The following MYO1C variants were observed in gnomAD, a reference collection of about 807,000 sequenced individuals.
MYO1C encodes myosin IC.
Under a neutral mutation model 150.8 loss-of-function variants are expected in MYO1C, and 104 were observed. The observed-to-expected ratio is 0.69, with a 90% CI of 0.59 to 0.81. The LOEUF (loss-of-function observed/expected upper bound fraction) is 0.81. Among genes scored for constraint, MYO1C ranks in the 30% least tolerant of loss-of-function variants. The pLI, the probability that MYO1C is intolerant of heterozygous loss-of-function variation, is 0.00. For synonymous variants in MYO1C, 663 were observed against 579.9 expected (o/e 1.14, Z -2.06); for missense variants, 1,504 against 1,435.0 (o/e 1.05, Z -0.78).
At chr17:1,485,724 G>C (rs1319722573) in intron 1 of MYO1C, 1 of 1,163,266 alleles carries the variant, frequency 8.6e-7, no homozygotes, top group African/African-American at 1.6e-5. Flanking sequence ...TGCCCGGCCG[G>C]CCTGGCGCCC....
At chr17:1,466,121 G>A (rs1312666994) in intron 31 of MYO1C, among the ~76,000 whole-genome samples, 3 of 147,560 alleles carry the variant, frequency 2.0e-5, no homozygotes, top group Admixed American at 6.7e-5. Flanking sequence ...CCCCCAATCA[G>A]CCTATGTATC....
chr17:1,492,343 C>T (rs955896265), intron 1 of MYO1C, 70 bp downstream of exon 1: 2 of 1,494,854 alleles, frequency 1.3e-6, no homozygotes, highest in African/African-American at 2.8e-5. Flanking sequence ...CGAGGGCTCG[C>T]CTGAGAGGGG....
Position 1,479,686 on chromosome 17 carries a change from G to A in MYO1C, c.926C>T (p.Ala309Val). The change falls in exon 8 of 32, where the codon GCC (alanine) becomes GTC (valine). Residue 309 changes from alanine (A) to valine (V), a missense_variant. By Grantham distance (64) the Ala-to-Val change is moderately conservative. Transcript: ENST00000648651. This position sits in a 1 kb window ranked among gnomAD's most constrained non-coding sequence, Gnocchi z 4.2. ...GATGTTGCCCAAATGAAGGACGCTG[G>A]CCACGATGCTCAGCAGGTCCTGGGG... Reference protein sequence around the residue: ...DEVEDLLSIVASVLHLGNIHF... With the variant: ...DEVEDLLSIVVSVLHLGNIHF... 6.2e-7 allele frequency: 1 copy of A among 1,612,466 alleles called. No individual in the cohort carries two copies.
In MYO1C at chr17:1,475,006, C is replaced by T. The variant is rs1330137264; in HGVS notation, c.1601G>A (p.Arg534Lys). 6 of 1,553,046 alleles carry T rather than the reference C, an allele frequency of 3.9e-6. No individual in the cohort carries two copies. The East Asian group carries it at 1.5e-4, about 38-fold the overall frequency. Reference sequence around the variant, plus strand: ...GAATTCCCCTCGGCCCAGAGATTTCCTGGTCCGCTGGTCAGCCAGCTTGTG... The same window carrying T: ...GAATTCCCCTCGGCCCAGAGATTTCTTGGTCCGCTGGTCAGCCAGCTTGTG... ...LTHKLADQRT[R>K]KSLGRGEFRL... The change falls in exon 15 of 32, where the codon AGG becomes AAG. Residue 534 changes from arginine to lysine, a missense_variant. By Grantham distance (26) the Arg-to-Lys change is conservative. Transcript: ENST00000648651.
rs1377270204 is a variant in MYO1C at position 1,474,625 on chromosome 17, C to G, written c.1782G>C (p.Lys594Asn). 1 of 1,613,816 alleles carries G rather than the reference C, an allele frequency of 6.2e-7. No individual in the cohort carries two copies. Among genetic ancestry groups the G allele is most frequent in the East Asian group, 2.2e-5 (1 of 44,884 alleles). The change falls in exon 17 of 32, where the codon AAG becomes AAC. Residue 594 changes from lysine (K) to asparagine (N), a missense_variant. By Grantham distance (94) the Lys-to-Asn change is moderately conservative. Transcript: ENST00000648651. ...ACCTCCTCACCGTCTCTGGCCGCTT[C>G]TTGTCACTGAGCTCGCTCCGGTCAA... ...QCFDRSELSDKKRPETVATQF... is the reference protein window; with the variant it reads ...QCFDRSELSDNKRPETVATQF...
At chr17:1,485,604 C>T in intron 1 of MYO1C, 1 of 998,206 alleles carries the variant, frequency 1.0e-6, no homozygotes, top group Non-Finnish European at 1.3e-6. Flanking sequence ...TCCTGGGCCG[C>T]GCCCGCTTCC....
chr17:1,469,711 C>T, intron 24 of MYO1C, 97 bp from the exon 25 acceptor site: 1 of 994,756 alleles, frequency 1.0e-6, no homozygotes, highest in South Asian at 1.4e-5. Flanking sequence ...ATAAGTAACA[C>T]CCCCTCCATC....
chr17:1,491,745 T>TCCGGC, intron 1 of MYO1C: 1 of 673,670 alleles, frequency 1.5e-6, no homozygotes, highest in Non-Finnish European at 1.8e-6. Context: ...CCGCGCACCC[T>TCCGGC]CCGGCCCCGC....
intron 5 of MYO1C, 197 bp from the exon 6 acceptor site, chr17:1,481,082 C>T (rs2074510673): frequency 3.3e-6 from 2 of 604,504 alleles, no homozygotes; most frequent in African/African-American, 3.7e-5. Context: ...GGAGATTCAA[C>T]TCCAACGACC....
At chr17:1,488,660 A>G (rs1424121862) in intron 1 of MYO1C, among the ~76,000 whole-genome samples, 1 of 152,152 alleles carries the variant, frequency 6.6e-6, no homozygotes, top group East Asian at 1.9e-4. Flanking sequence ...TGCGGTTATC[A>G]GGGCTACCAG....
chr17:1,483,966 C>CG (rs1166580521), intron 2 of MYO1C, among the ~76,000 whole-genome samples, 182 bp downstream of exon 2: 3 of 151,548 alleles, frequency 2.0e-5, no homozygotes, highest in Non-Finnish European at 4.4e-5. Flanking sequence ...CGCTTGAACC[C>CG]GGGGGGAGGA....
intron 14 of MYO1C, among the ~76,000 whole-genome samples, chr17:1,475,580 G>A (rs183665195): frequency 8.5e-5 from 13 of 152,378 alleles, no homozygotes; most frequent in Admixed American, 4.6e-4. Context: ...GGAAACTCTC[G>A]TTGCTTCGGC....
intron 30 of MYO1C, 61 bp downstream of exon 30, chr17:1,467,419 G>A: frequency 6.3e-7 from 1 of 1,597,990 alleles, no homozygotes; most frequent in Non-Finnish European, 8.5e-7. Flanking sequence ...CCCTGTCCCT[G>A]GGTGCCCACA....
intron 25 of MYO1C, 164 bp from the exon 26 acceptor site, chr17:1,468,660 C>G (rs2074233396): frequency 1.6e-6 from 1 of 641,668 alleles, no homozygotes; most frequent in Non-Finnish European, 2.8e-6. Context: ...CCCATCAACC[C>G]TCCACTTCCT....
intron 13 of MYO1C, 22 bp from the exon 14 acceptor site, chr17:1,477,618 G>A: frequency 6.3e-7 from 1 of 1,594,272 alleles, no homozygotes. Context: ...GGCACAGGGG[G>A]AAGGACGTAT....
intron 5 of MYO1C, chr17:1,481,378 G>C (rs902185815): frequency 5.8e-6 from 1 of 172,394 alleles, no homozygotes; most frequent in Non-Finnish European, 1.3e-5. Flanking sequence ...ACACTGGTCT[G>C]AGCCAATGTC....
chr17:1,487,951 G>A (rs1239532404), intron 1 of MYO1C, among the ~76,000 whole-genome samples: 3 of 152,176 alleles, frequency 2.0e-5, no homozygotes, highest in African/African-American at 7.2e-5. Context: ...AAATCTAGAG[G>A]GAGCAAGGAG....
intron 5 of MYO1C, among the ~76,000 whole-genome samples, chr17:1,481,986 G>A (rs1191562117): frequency 1.3e-5 from 2 of 152,040 alleles, no homozygotes; most frequent in Non-Finnish European, 2.9e-5. Context: ...TGTCCTGGCT[G>A]TTCCGTTCCC....
rs1051001984 is a variant in MYO1C at position 1,479,944 on chromosome 17, G to A, written c.907-239C>T. On this transcript the variant is annotated intron_variant, in intron 7 of 31. Transcript: ENST00000648651. This position sits in a 1 kb window ranked among gnomAD's most constrained non-coding sequence, Gnocchi z 4.2. ...GAGGATCATCTGAGGTCAGGAGTTCGAGACCAGCCCAGCCAACATGGCAAA... is the reference window on the plus strand; with the variant it reads ...GAGGATCATCTGAGGTCAGGAGTTCAAGACCAGCCCAGCCAACATGGCAAA... Among the ~76,000 whole-genome samples, 5 of 151,828 alleles carry A rather than the reference G, an allele frequency of 3.3e-5. No individual in the cohort carries two copies. Among genetic ancestry groups the A allele is most frequent in the East Asian group, 1.9e-4 (1 of 5,162 alleles).
Sources: allele counts gnomAD v4.1 joint callset (sites outside exome capture counted in the v4.1 genomes callset), GRCh38; gene constraint gnomAD v4.1.1; non-coding constraint Gnocchi (gnomAD v3.1); transcripts MANE v1.5; gene names NCBI Gene and HGNC (gene_info 2026-07-23, HGNC 2026-07-21).